Variants in ADK observed in about 807,000 individuals in gnomAD.
ADK encodes N6,N6-dimethyladenosine kinase.
A neutral mutation model predicts 44.7 loss-of-function variants in ADK; 24 were observed. That is an observed-to-expected ratio of 0.54 (90% CI 0.39 to 0.76). The LOEUF (loss-of-function observed/expected upper bound fraction) is 0.76. ADK is among the 30% of genes least tolerant of loss of function. The pLI is 0.00. For missense variants in ADK, 321 were observed against 425.1 expected, an observed-to-expected ratio of 0.76 and a Z score of 2.15; for synonymous variants, 128 against 142.6, an observed-to-expected ratio of 0.90 and a Z score of 0.73.
At chr10:74,369,297 A>G (rs982977914) in intron 4 of ADK, among the ~76,000 whole-genome samples, 2 of 152,220 alleles carry the variant, frequency 1.3e-5, no homozygotes, top group Non-Finnish European at 2.9e-5. Context: ...TAGAGGCTGC[A>G]ATGAGCCATG....
At chr10:74,324,879 CT>C (rs1270619273) in intron 4 of ADK, among the ~76,000 whole-genome samples, 1 of 152,118 alleles carries the variant, frequency 6.6e-6, no homozygotes, top group African/African-American at 2.4e-5. Flanking sequence ...ACAGGGTTCC[CT>C]TAATATTTCG....
chr10:74,281,805 G>A (rs549454843), intron 3 of ADK, among the ~76,000 whole-genome samples: 2 of 152,148 alleles, frequency 1.3e-5, no homozygotes, highest in Non-Finnish European at 2.9e-5. Flanking sequence ...GAGCTGCATT[G>A]GAAATTTATT....
intron 4 of ADK, among the ~76,000 whole-genome samples, chr10:74,383,588 G>T (rs1185902471): frequency 6.6e-6 from 1 of 152,136 alleles, no homozygotes; most frequent in Non-Finnish European, 1.5e-5. Context: ...ATTAACAAAA[G>T]TTAAGTACAC....
intron 7 of ADK, among the ~76,000 whole-genome samples, chr10:74,546,282 A>G (rs1382539978): frequency 6.6e-6 from 1 of 152,204 alleles, no homozygotes; most frequent in Non-Finnish European, 1.5e-5. Context: ...CTGTTTTTCA[A>G]CTAACAAATG....
chr10:74,492,465 A>G (rs1847524093), intron 6 of ADK, among the ~76,000 whole-genome samples: 1 of 152,198 alleles, frequency 6.6e-6, no homozygotes, highest in Admixed American at 6.5e-5. Context: ...GAAAAGAGAC[A>G]GAAGAAGAAA....
chr10:74,193,043 AT>A (rs1843001664), intron 1 of ADK, among the ~76,000 whole-genome samples: 1 of 152,102 alleles, frequency 6.6e-6, no homozygotes, highest in Admixed American at 6.6e-5. Context: ...TTTTGAAGCC[AT>A]TTTATTTGGT....
intron 6 of ADK, among the ~76,000 whole-genome samples, chr10:74,482,375 C>T (rs1350986731): frequency 4.6e-5 from 7 of 152,118 alleles, no homozygotes; most frequent in Admixed American, 2.6e-4. Flanking sequence ...AAAAATCCAC[C>T]CTCATGATCC....
At chr10:74,567,065 C>A (rs1188275250) in intron 7 of ADK, among the ~76,000 whole-genome samples, 1 of 152,160 alleles carries the variant, frequency 6.6e-6, no homozygotes, top group Non-Finnish European at 1.5e-5. Flanking sequence ...TGCCCAAAGT[C>A]ACACTAGGGG....
intron 1 of ADK, among the ~76,000 whole-genome samples, chr10:74,188,897 C>T (rs574755066): frequency 7.5e-4 from 114 of 152,028 alleles, no homozygotes; most frequent in Middle Eastern, 6.8e-3. Flanking sequence ...CTCAGGCTCC[C>T]GAGTAGCTGG....
intron 2 of ADK, among the ~76,000 whole-genome samples, chr10:74,212,831 GA>G (rs55688107): frequency 1 from 152,298 of 152,298 alleles, 76,149 homozygotes; most frequent in Non-Finnish European, 1. Flanking sequence ...GAATGGTTGG[GA>G]AGAGAGTGCA....
chr10:74,433,988 T>G (rs1845096266), intron 6 of ADK, among the ~76,000 whole-genome samples: 1 of 152,146 alleles, frequency 6.6e-6, no homozygotes, highest in African/African-American at 2.4e-5. Context: ...TAGGAAAGGA[T>G]GCAAAAGCCC....
chr10:74,613,849 C>G (rs1388863603), intron 9 of ADK, among the ~76,000 whole-genome samples: 1 of 152,128 alleles, frequency 6.6e-6, no homozygotes, highest in Non-Finnish European at 1.5e-5. Flanking sequence ...AATGTCTCTA[C>G]TACAGCCAAA....
chr10:74,433,228 T>C (rs985791027), intron 6 of ADK, among the ~76,000 whole-genome samples: 2 of 152,210 alleles, frequency 1.3e-5, no homozygotes, highest in African/African-American at 2.4e-5. Flanking sequence ...TTTAGAGTGC[T>C]CATTCATGAT....
intron 4 of ADK, among the ~76,000 whole-genome samples, chr10:74,350,583 G>A (rs111987359): frequency 0.027 from 4,070 of 151,690 alleles, 165 homozygotes; most frequent in African/African-American, 0.081. Context: ...ACTGAAGGAG[G>A]TACAGACATG....
At chr10:74,188,255 G>T (rs1311633761) in intron 1 of ADK, among the ~76,000 whole-genome samples, 4 of 151,258 alleles carry the variant, frequency 2.6e-5, no homozygotes, top group Non-Finnish European at 5.9e-5. Context: ...TGAATTTTTG[G>T]ATCAGTTTTG....
intron 10 of ADK, among the ~76,000 whole-genome samples, chr10:74,688,693 T>C (rs1022033296): frequency 6.6e-6 from 1 of 152,058 alleles, no homozygotes; most frequent in African/African-American, 2.4e-5. Context: ...GGTGAGACAA[T>C]AAACTGAGCC....
chr10:74,486,401 C>A (rs1050998036), intron 6 of ADK, among the ~76,000 whole-genome samples: 1 of 152,052 alleles, frequency 6.6e-6, no homozygotes, highest in Admixed American at 6.6e-5. Context: ...ACTAATACAA[C>A]TGGATATTGA....
At chr10:74,398,017 G>A (rs544110893) in intron 5 of ADK, among the ~76,000 whole-genome samples, 2 of 152,178 alleles carry the variant, frequency 1.3e-5, no homozygotes, top group South Asian at 2.1e-4. Flanking sequence ...TGTCTTTTAC[G>A]AAATTAATTC....
intron 3 of ADK, among the ~76,000 whole-genome samples, chr10:74,272,682 A>C (rs1377762754): frequency 1.3e-5 from 2 of 152,222 alleles, no homozygotes; most frequent in African/African-American, 4.8e-5. Context: ...TGATGGATAA[A>C]TTATAAGACA....
Sources: allele counts gnomAD v4.1 joint callset (sites outside exome capture counted in the v4.1 genomes callset), GRCh38; gene constraint gnomAD v4.1.1; transcripts MANE v1.5; gene names NCBI Gene and HGNC (gene_info 2026-07-23, HGNC 2026-07-21).